The following RFC1 variants were observed in gnomAD, a reference collection of about 807,000 sequenced individuals.
RFC1 encodes A1 140 kDa subunit.
In RFC1, 37 loss-of-function variants were observed where a neutral mutation model predicts 137.4. The observed-to-expected ratio is 0.27, with a 90% CI of 0.21 to 0.35. The LOEUF is 0.35. Among genes scored for constraint, RFC1 ranks in the 10% least tolerant of loss-of-function variants. The pLI is 1.00. For missense variants in RFC1, 1,205 were observed against 1,358.5 expected (o/e 0.89, Z 1.78); for synonymous variants, 429 against 455.7 (o/e 0.94, Z 0.75).
At chr4:39,351,593 T>C in intron 1 of RFC1, 117 bp from the exon 2 acceptor site, 3 of 807,400 alleles carry the variant, frequency 3.7e-6, no homozygotes, top group Non-Finnish European at 5.4e-6. Flanking sequence ...AATTTTTCCA[T>C]ACCAAGATAG....
intron 4 of RFC1, among the ~76,000 whole-genome samples, chr4:39,337,435 AGT>A (rs71921435): frequency 0.29 from 41,193 of 143,400 alleles, 5,854 homozygotes; most frequent in South Asian, 0.32. Flanking sequence ...TACTCAAATA[AGT>A]GTGTGTGTGT....
intron 7 of RFC1, chr4:39,321,950 C>T (rs1739539694): frequency 8.0e-6 from 1 of 124,448 alleles, no homozygotes; most frequent in African/African-American, 2.5e-5. Context: ...GTCTTAATAC[C>T]TGCCTGTTTA....
At chr4:39,293,710 G>A (rs1457090306) in intron 22 of RFC1, among the ~76,000 whole-genome samples, 2 of 152,104 alleles carry the variant, frequency 1.3e-5, no homozygotes, top group Non-Finnish European at 1.5e-5. Flanking sequence ...AATGAGGGAA[G>A]AGGACAGTGA....
rs1315639559 is a variant in RFC1 at position 39,326,566 on chromosome 4, C to T, written c.639G>A (p.Ala213=). Residue 213 remains alanine, a synonymous_variant, in exon 6 of 25, where the codon GCG becomes GCA. Transcript: ENST00000349703. The part of the protein sequence containing the change: ...IAKQLQLDED[A]ELERQLHEDE... ...ATTCTAAGCAAAATGCCAATACCTCCGCATCTTCATCAAGCTGTAATTGCT... is the reference window on the plus strand; with the variant it reads ...ATTCTAAGCAAAATGCCAATACCTCTGCATCTTCATCAAGCTGTAATTGCT... 3.7e-6 allele frequency: 6 copies of T among 1,611,628 alleles called. No individual in the cohort carries two copies. The highest frequency in any genetic ancestry group is 3.3e-5 in the South Asian group (3 of 90,890).
chr4:39,300,436 C>T lies in RFC1; in HGVS notation c.2536-22G>A, dbSNP rs2066787. 0.016 allele frequency: 24,997 copies of T among 1,603,344 alleles called. 3,410 individuals are homozygous for T. In the African/African-American group the frequency reaches 0.29, roughly 19 times the overall value. On this transcript the variant is annotated intron_variant, in intron 19 of 24. Transcript: ENST00000349703. ...GGCCCTGAAAAAAGAGAGGGACACA[C>T]CTATTAGAATGGCCAAAATTCAAAA...
intron 9 of RFC1, 75 bp from the exon 10 acceptor site, chr4:39,317,097 T>G (rs1739277508): frequency 1.2e-6 from 1 of 864,094 alleles, no homozygotes; most frequent in South Asian, 1.5e-5. Context: ...TATCTAGAAA[T>G]AAACATTATT....
chr4:39,289,166 T>C (rs772023464), intron 24 of RFC1, among the ~76,000 whole-genome samples: 22 of 152,146 alleles, frequency 1.4e-4, no homozygotes, highest in East Asian at 3.8e-4. Context: ...AATTGACAAA[T>C]AGGGTAATGT....
chr4:39,340,027 C>T (rs1740538019), intron 4 of RFC1, among the ~76,000 whole-genome samples: 1 of 152,044 alleles, frequency 6.6e-6, no homozygotes, highest in South Asian at 2.1e-4. Context: ...TAAGTCAGAC[C>T]CTATTTTAAA....
chr4:39,290,750 G>A (rs886478636), intron 23 of RFC1, among the ~76,000 whole-genome samples: 1 of 151,772 alleles, frequency 6.6e-6, no homozygotes, highest in African/African-American at 2.4e-5. Context: ...GGGAGGCAGA[G>A]GTTGCAGTGA....
At chr4:39,298,845 G>A (rs565896500) in intron 21 of RFC1, among the ~76,000 whole-genome samples, 10 of 152,238 alleles carry the variant, frequency 6.6e-5, no homozygotes, top group South Asian at 2.1e-4. Context: ...TGGGCCGGGC[G>A]CAGTGGCTCA....
chr4:39,312,680 G>A (rs1051691895), intron 11 of RFC1, 72 bp downstream of exon 11: 9 of 1,332,616 alleles, frequency 6.8e-6, no homozygotes, highest in Non-Finnish European at 9.3e-6. Context: ...TCTGAGTAAA[G>A]GGCAAATCAC....
chr4:39,361,063 T>C (rs1049676446), intron 1 of RFC1, among the ~76,000 whole-genome samples: 4 of 152,076 alleles, frequency 2.6e-5, no homozygotes, highest in Non-Finnish European at 5.9e-5. Context: ...ATTTAACTGG[T>C]GGGAACACAG....
chr4:39,299,237 A>G (rs964784190), intron 21 of RFC1, among the ~76,000 whole-genome samples: 10 of 152,188 alleles, frequency 6.6e-5, no homozygotes, highest in African/African-American at 2.4e-4. Flanking sequence ...TTTAATATCT[A>G]TAGAAACAAT....
intron 1 of RFC1, among the ~76,000 whole-genome samples, chr4:39,362,450 A>G (rs926457161): frequency 2.6e-5 from 4 of 152,200 alleles, no homozygotes; most frequent in Non-Finnish European, 5.9e-5. Context: ...ATATAGATCA[A>G]TGGAACAGAA....
Position 39,302,347 on chromosome 4 carries a change from T to C in RFC1, c.2466A>G (p.Ala822=). The change falls in exon 19 of 25, where the codon GCA becomes GCG. Residue 822 remains alanine, a synonymous_variant. Transcript: ENST00000349703. ...GGTCATAGGTTAATGCTTTACTTCGTGCACACCACATACTCAGATTATGTA... is the reference window on the plus strand; with the variant it reads ...GGTCATAGGTTAATGCTTTACTTCGCGCACACCACATACTCAGATTATGTA... ...QVLHNLSMWC[A]RSKALTYDQA... 1 of 1,613,246 alleles carries C rather than the reference T, an allele frequency of 6.2e-7. No homozygotes were observed. Among genetic ancestry groups the C allele is most frequent in the Non-Finnish European group, 8.5e-7 (1 of 1,179,212 alleles).
At chr4:39,313,047 G>A in intron 10 of RFC1, 116 bp from the exon 11 acceptor site, 5 of 855,632 alleles carry the variant, frequency 5.8e-6, no homozygotes, top group Non-Finnish European at 7.0e-6. Context: ...AAATAACCTT[G>A]GCATGGAAAG....
Position 39,302,773 on chromosome 4 carries a change from A to C in RFC1, c.2304T>G (p.Asp768Glu). ...CAACCCGAGGTCTTTGAAAACGAAGATCAAAACAATAATGAACCAGAGAGC... is the reference window on the plus strand; with the variant it reads ...CAACCCGAGGTCTTTGAAAACGAAGCTCAAAACAATAATGAACCAGAGAGC... ...KIRSLVHYCF[D>E]LRFQRPRVEQ... Residue 768 changes from aspartate to glutamate, a missense_variant, in exon 17 of 25, where the codon GAT (aspartate) becomes GAG (glutamate). Physicochemically the swap from Asp to Glu is conservative, Grantham distance 45. Transcript: ENST00000349703. 1.9e-6 allele frequency: 3 copies of C among 1,598,766 alleles called. No individual in the cohort carries two copies. The highest frequency in any genetic ancestry group is 2.6e-6 in the Non-Finnish European group (3 of 1,175,984).
At position 39,342,374 on chromosome 4, in the gene RFC1, T is replaced by C. The variant is rs145820966; in HGVS notation, c.302A>G (p.Gln101Arg). ...VSSKPGKISR[Q>R]DPVTYISETD... ...TTCTGAAATGTATGTAACAGGATCC[T>C]GCCGTGAAATTTTACCAGGTTTAGA... Residue 101 changes from glutamine to arginine, a missense_variant, in exon 4 of 25, where the codon CAG becomes CGG. Gln to Arg is a conservative substitution (Grantham distance 43, BLOSUM62 1). This residue lies in a region of RFC1 where 962 missense variants were observed against 1,035.3 expected (regional missense o/e 0.93). Transcript: ENST00000349703. 531 of 1,613,238 alleles carry C rather than the reference T, an allele frequency of 3.3e-4. No individual in the cohort carries two copies. The highest frequency in any genetic ancestry group is 4.3e-4 in the Non-Finnish European group (508 of 1,179,490).
intron 4 of RFC1, among the ~76,000 whole-genome samples, chr4:39,337,159 G>A (rs1740395014): frequency 6.6e-6 from 1 of 152,162 alleles, no homozygotes; most frequent in African/African-American, 2.4e-5. Context: ...CGGATCACCT[G>A]AGGTCGGGAG....
Sources: gnomAD v4.1 joint callset for allele counts (sites outside exome capture counted in the v4.1 genomes callset) on GRCh38, gnomAD v4.1.1 for gene constraint, gnomAD v4.1.1 regional missense constraint, MANE v1.5 for transcripts, NCBI Gene and HGNC (gene_info 2026-07-23, HGNC 2026-07-21) for gene names.